TLL2: variants seen among roughly 807,000 people sequenced by gnomAD.
The protein encoded by TLL2 is tolloid-like protein 2.
In TLL2, 106 loss-of-function variants were observed where a neutral mutation model predicts 123.0. That is an observed-to-expected ratio of 0.86 (90% CI 0.74 to 1.01). The LOEUF is 1.01. Ranked by LOEUF, TLL2 falls within the 50% of genes least tolerant of loss-of-function variation. TLL2 has a pLI of 0.00. For missense variants in TLL2, 1,332 were observed against 1,336.7 expected, an observed-to-expected ratio of 1.00 and a Z score of 0.06; for synonymous variants, 494 against 516.8, an observed-to-expected ratio of 0.96 and a Z score of 0.60.
chr10:96,377,772 A>G (rs1227677282), intron 17 of TLL2, among the ~76,000 whole-genome samples: 1 of 152,248 alleles, frequency 6.6e-6, no homozygotes, highest in African/African-American at 2.4e-5. Context: ...GCTCAGTGCT[A>G]CATCTGCTCT....
chr10:96,474,232 C>T (rs937441568), intron 2 of TLL2, among the ~76,000 whole-genome samples: 26 of 152,086 alleles, frequency 1.7e-4, no homozygotes, highest in African/African-American at 4.6e-4. Flanking sequence ...ATCCAAAATG[C>T]GGCTGCCACA....
chr10:96,467,220 T>A, intron 2 of TLL2, among the ~76,000 whole-genome samples: 1 of 152,162 alleles, frequency 6.6e-6, no homozygotes, highest in Middle Eastern at 3.2e-3. Flanking sequence ...AGAAACAGCA[T>A]CTTGCTTTGT....
intron 10 of TLL2, among the ~76,000 whole-genome samples, chr10:96,397,814 C>T (rs1231799703): frequency 6.6e-6 from 1 of 152,180 alleles, no homozygotes; most frequent in Non-Finnish European, 1.5e-5. Context: ...TGGAAGGATG[C>T]ACCATATTTT....
At chr10:96,471,849 C>A (rs1447524829) in intron 2 of TLL2, among the ~76,000 whole-genome samples, 3 of 152,112 alleles carry the variant, frequency 2.0e-5, no homozygotes, top group Non-Finnish European at 4.4e-5. Context: ...AATTTCGTAA[C>A]TTGAGATCCA....
intron 19 of TLL2, among the ~76,000 whole-genome samples, chr10:96,372,288 T>C (rs79351701): frequency 1.3e-5 from 2 of 152,112 alleles, no homozygotes; most frequent in Non-Finnish European, 2.9e-5. Flanking sequence ...ATTTATATTT[T>C]CCGGTACTGA....
chr10:96,371,607 G>A (rs1426855227), intron 19 of TLL2, among the ~76,000 whole-genome samples: 1 of 152,236 alleles, frequency 6.6e-6, no homozygotes, highest in Non-Finnish European at 1.5e-5. Context: ...GGTCTAACCT[G>A]TCTTTGGGAA....
intron 3 of TLL2, among the ~76,000 whole-genome samples, chr10:96,443,208 T>C (rs760752006): frequency 6.6e-6 from 1 of 152,242 alleles, no homozygotes; most frequent in Non-Finnish European, 1.5e-5. Flanking sequence ...GCCACTTCTC[T>C]CGTGAAGGAG....
At chr10:96,509,488 C>T (rs1189961414) in intron 1 of TLL2, among the ~76,000 whole-genome samples, 1 of 152,222 alleles carries the variant, frequency 6.6e-6, no homozygotes, top group African/African-American at 2.4e-5. Flanking sequence ...GGGTCAGGGG[C>T]CCATTGCCTA....
At chr10:96,512,868 T>C (rs1345159958) in intron 1 of TLL2, among the ~76,000 whole-genome samples, 5 of 152,216 alleles carry the variant, frequency 3.3e-5, no homozygotes, top group Non-Finnish European at 1.5e-5. Context: ...CCGTACGTCC[T>C]GGGGCGCCGC....
chr10:96,369,237 A>G (rs1465128536), intron 20 of TLL2, among the ~76,000 whole-genome samples: 1 of 152,194 alleles, frequency 6.6e-6, no homozygotes, highest in South Asian at 2.1e-4. Flanking sequence ...CCAAGCACCA[A>G]CTATATGCCA....
At chr10:96,383,491 C>T (rs1213740704) in intron 16 of TLL2, among the ~76,000 whole-genome samples, 2 of 152,250 alleles carry the variant, frequency 1.3e-5, no homozygotes, top group African/African-American at 4.8e-5. Context: ...GGGTTTCCCC[C>T]TTCACTTGGC....
intron 2 of TLL2, among the ~76,000 whole-genome samples, chr10:96,475,297 C>T (rs1847227958): frequency 6.6e-6 from 1 of 152,188 alleles, no homozygotes; most frequent in East Asian, 1.9e-4. Flanking sequence ...GTGGACACTG[C>T]AGTGCACTAA....
intron 2 of TLL2, among the ~76,000 whole-genome samples, chr10:96,455,494 C>T (rs1847004196): frequency 6.6e-6 from 1 of 152,152 alleles, no homozygotes; most frequent in Admixed American, 6.5e-5. Context: ...AGGAGGTCAG[C>T]ACAAGATACA....
chr10:96,413,336 CAGAAAA>C lies in TLL2; in HGVS notation c.924-26_924-21del, dbSNP rs756185722. 22 of 1,608,674 alleles carry C rather than the reference CAGAAAA, an allele frequency of 1.4e-5. No individual in the cohort carries two copies. Among genetic ancestry groups the C allele is most frequent in the Non-Finnish European group, 1.9e-5 (22 of 1,175,792 alleles). Reference sequence around the variant, plus strand: ...ACTCCTCTACAGGAAGGAAAAAAGACAGAAAAAGAAAAGTCAAGGCCATCAGGCTGT... The same window carrying C: ...ACTCCTCTACAGGAAGGAAAAAAGACAGAAAAGTCAAGGCCATCAGGCTGT... On this transcript the variant is annotated intron_variant, in intron 7 of 20. Coordinates refer to ENST00000357947, the MANE Select transcript of TLL2 (RefSeq NM_012465.4).
intron 2 of TLL2, among the ~76,000 whole-genome samples, chr10:96,449,944 C>A (rs1564909607): frequency 6.6e-6 from 1 of 152,166 alleles, no homozygotes; most frequent in Non-Finnish European, 1.5e-5. Context: ...TTCCCACAGC[C>A]CCTGGCCTTA....
chr10:96,496,382 A>G (rs1267747260), intron 1 of TLL2, among the ~76,000 whole-genome samples: 1 of 152,122 alleles, frequency 6.6e-6, no homozygotes, highest in African/African-American at 2.4e-5. Context: ...AGGGTTTTCC[A>G]TTTTCTAACT....
At chr10:96,409,877 G>A (rs766163038) in intron 9 of TLL2, among the ~76,000 whole-genome samples, 14 of 152,188 alleles carry the variant, frequency 9.2e-5, no homozygotes, top group Non-Finnish European at 1.6e-4. Flanking sequence ...AGTCCATCCC[G>A]CTGGAGGGGC....
chr10:96,398,358 G>A (rs527805469), intron 10 of TLL2, among the ~76,000 whole-genome samples: 1 of 152,276 alleles, frequency 6.6e-6, no homozygotes, highest in South Asian at 2.1e-4. Context: ...ATGCCAGTCA[G>A]GGTGGCAGGA....
chr10:96,379,061 C>A lies in TLL2; in HGVS notation c.2226G>T (p.Gly742=), dbSNP rs774309160. Residue 742 remains glycine (G), a synonymous_variant, in exon 17 of 21, where the codon GGG becomes GGT. Coordinates refer to ENST00000357947, the MANE Select transcript of TLL2 (RefSeq NM_012465.4). ...AGGTGTTGACGCACTCATGCTGACA[C>A]CCGCCGTTGTCCTTGGCACACTCGT... ...DKDECAKDNG[G]CQHECVNTFG... 1 of 1,614,046 alleles carries A rather than the reference C, an allele frequency of 6.2e-7. No homozygotes were observed.
Sources: gnomAD v4.1 joint callset for allele counts (sites outside exome capture counted in the v4.1 genomes callset) on GRCh38, gnomAD v4.1.1 for gene constraint, MANE v1.5 for transcripts, NCBI Gene and HGNC (gene_info 2026-07-23, HGNC 2026-07-21) for gene names.